Variants in IRAG1 observed in about 807,000 individuals in gnomAD.
IRAG1 encodes IP3R-associated cGMP kinase substrate.
A neutral mutation model predicts 106.2 loss-of-function variants in IRAG1; 62 were observed. The ratio of observed to expected loss-of-function variants is 0.58; its 90% confidence interval spans 0.48 to 0.72. The LOEUF (loss-of-function observed/expected upper bound fraction) is 0.72. Ranked by LOEUF, IRAG1 falls within the 30% of genes least tolerant of loss-of-function variation. IRAG1 has a pLI of 0.00. For missense variants in IRAG1, 1,064 were observed against 1,140.7 expected (o/e 0.93, Z 0.97); for synonymous variants, 462 against 443.9 (o/e 1.04, Z -0.51).
intron 1 of IRAG1, among the ~76,000 whole-genome samples, chr11:10,681,452 G>A (rs969192508): frequency 2.0e-5 from 3 of 152,170 alleles, no homozygotes; most frequent in Non-Finnish European, 4.4e-5. Flanking sequence ...GGACTTGAAT[G>A]GGATTGTAGA....
rs1011036507 is a variant in IRAG1 at position 10,628,439 on chromosome 11, T to C, written c.652+312A>G. Among the ~76,000 whole-genome samples the C allele has an allele frequency of 1.3e-4, 20 of 152,002 alleles. No individual in the cohort carries two copies. The highest frequency in any genetic ancestry group is 4.8e-4 in the African/African-American group (20 of 41,370). Reference sequence around the variant, plus strand: ...CCCAAAGAGGCCTTTCTGTATAAGCTCTTGAGGGCTTCTCTGAGCCTCCCT... The same window carrying C: ...CCCAAAGAGGCCTTTCTGTATAAGCCCTTGAGGGCTTCTCTGAGCCTCCCT... On this transcript the variant is annotated intron_variant, in intron 6 of 20. Coordinates refer to ENST00000423302, the MANE Select transcript of IRAG1 (RefSeq NM_130385.4). This position sits in a 1 kb window ranked among gnomAD's most constrained non-coding sequence, Gnocchi z 4.1.
Position 10,659,778 on chromosome 11 carries a change from G to A in IRAG1, c.68-7596C>T, listed in dbSNP as rs1416596346. On this transcript the variant is annotated intron_variant, in intron 1 of 20. Transcript: ENST00000423302. This position sits in a 1 kb window ranked among gnomAD's most constrained non-coding sequence, Gnocchi z 4.1. ...AAATATGTACAATTGCTCAATCGGA[G>A]GCAGTTCAAAGGCACCGAGAATAGC... is the stretch of plus-strand genomic sequence containing the variant. Among the ~76,000 whole-genome samples, 1 of 151,922 alleles carries A rather than the reference G, an allele frequency of 6.6e-6. No homozygotes were observed. Among genetic ancestry groups the A allele is most frequent in the Non-Finnish European group, 1.5e-5 (1 of 67,968 alleles).
chr11:10,656,796 G>A (rs1249183109), intron 1 of IRAG1, among the ~76,000 whole-genome samples: 2 of 152,080 alleles, frequency 1.3e-5, no homozygotes, highest in Non-Finnish European at 1.5e-5. Context: ...TCCTAGGCCC[G>A]CCATCTTTCC....
At chr11:10,680,536 G>A (rs912562512) in intron 1 of IRAG1, among the ~76,000 whole-genome samples, 10 of 129,036 alleles carry the variant, frequency 7.7e-5, no homozygotes, top group African/African-American at 3.3e-4. Context: ...AGGAAGGAAG[G>A]AAGGGGAAGG....
At position 10,623,868 on chromosome 11, in the gene IRAG1, A is replaced by G; in HGVS notation, c.1369-12T>C. 3 of 1,611,654 alleles carry G rather than the reference A, an allele frequency of 1.9e-6. No homozygotes were observed. Among genetic ancestry groups the G allele is most frequent in the Non-Finnish European group, 2.5e-6 (3 of 1,177,756 alleles). ...ATCAGGATGTGCTCCTTTGTGGTAA[A>G]AGAAAGAGATAACAATTTCAGATGA... is the stretch of plus-strand genomic sequence containing the variant. On this transcript the variant is annotated splice_polypyrimidine_tract_variant and intron_variant, in intron 9 of 20. Transcript: ENST00000423302.
intron 4 of IRAG1, among the ~76,000 whole-genome samples, chr11:10,631,438 G>A (rs1430309635): frequency 6.6e-6 from 1 of 152,206 alleles, no homozygotes; most frequent in Non-Finnish European, 1.5e-5. Flanking sequence ...TCCTCAGAGA[G>A]ACTCGGTCCC....
chr11:10,629,132 C>T (rs983524937), intron 5 of IRAG1, among the ~76,000 whole-genome samples: 1 of 152,162 alleles, frequency 6.6e-6, no homozygotes, highest in Admixed American at 6.5e-5. Flanking sequence ...GCAGGTACAG[C>T]TCCAGAGGCT....
At chr11:10,623,994 G>A (rs1856035988) in intron 9 of IRAG1, 138 bp from the exon 10 acceptor site, 1 of 713,776 alleles carries the variant, frequency 1.4e-6, no homozygotes, top group Admixed American at 2.1e-5. Flanking sequence ...GGGCAGGCAT[G>A]GCATGGTGAG....
chr11:10,693,429 A>C (rs1351693685), intron 1 of IRAG1, 107 bp downstream of exon 1: 2 of 1,472,776 alleles, frequency 1.4e-6, no homozygotes, highest in Non-Finnish European at 8.9e-7. Flanking sequence ...CTGGAAAGTT[A>C]AAGTTTAGCA....
In IRAG1 at chr11:10,652,200, G is replaced by A. The variant is rs1205375038; in HGVS notation, c.68-18C>T. 1.2e-6 allele frequency: 2 copies of A among 1,613,432 alleles called. No homozygotes were observed. The highest frequency in any genetic ancestry group is 1.3e-5 in the African/African-American group (1 of 74,934). On this transcript the variant is annotated intron_variant, in intron 1 of 20. Transcript: ENST00000423302. Reference sequence around the variant, plus strand: ...TCCACAGGCTGGGGAGATGCCAAAAGGACAAGTCAAATCCATTCCCATCCC... The same window carrying A: ...TCCACAGGCTGGGGAGATGCCAAAAAGACAAGTCAAATCCATTCCCATCCC...
intron 1 of IRAG1, among the ~76,000 whole-genome samples, chr11:10,670,492 C>A (rs143990670): frequency 6.0e-4 from 92 of 152,202 alleles, no homozygotes; most frequent in African/African-American, 2.1e-3. Flanking sequence ...TTGGTGGTCA[C>A]GGTGAATTGG....
chr11:10,646,189 C>T (rs547545441), intron 2 of IRAG1, among the ~76,000 whole-genome samples: 14 of 152,340 alleles, frequency 9.2e-5, no homozygotes, highest in African/African-American at 3.4e-4. Flanking sequence ...TGAGCCCAGC[C>T]CACTGACTGA....
chr11:10,638,493 C>T (rs562456653), intron 2 of IRAG1, among the ~76,000 whole-genome samples: 11 of 142,880 alleles, frequency 7.7e-5, no homozygotes, highest in South Asian at 2.3e-4. Flanking sequence ...ACCATGGGAA[C>T]GCCAATGGAA....
intron 15 of IRAG1, among the ~76,000 whole-genome samples, chr11:10,598,500 C>G (rs1051036643): frequency 1.3e-5 from 2 of 152,066 alleles, no homozygotes; most frequent in Non-Finnish European, 2.9e-5. Context: ...GTCATAAATA[C>G]AGAATTTTTA....
At chr11:10,678,610 C>T (rs78787463) in intron 1 of IRAG1, among the ~76,000 whole-genome samples, 1,615 of 152,282 alleles carry the variant, frequency 0.011, 28 homozygotes, top group African/African-American at 0.036. Flanking sequence ...GCCACCACAG[C>T]GGCCCTCTCT....
At chr11:10,646,458 T>G (rs1857950806) in intron 2 of IRAG1, among the ~76,000 whole-genome samples, 1 of 152,086 alleles carries the variant, frequency 6.6e-6, no homozygotes, top group South Asian at 2.1e-4. Flanking sequence ...CAACCCCAGA[T>G]TTGTTATGGT....
At chr11:10,691,838 C>G (rs1862080677) in intron 1 of IRAG1, among the ~76,000 whole-genome samples, 1 of 152,098 alleles carries the variant, frequency 6.6e-6, no homozygotes, top group Non-Finnish European at 1.5e-5. Context: ...AGGTCAAGAG[C>G]AGAGCCTCCA....
intron 1 of IRAG1, chr11:10,690,410 T>A (rs1294897606): frequency 1.6e-6 from 2 of 1,285,612 alleles, no homozygotes; most frequent in African/African-American, 1.5e-5. Context: ...CCAACTGTCC[T>A]CTGCTTTCCA....
At chr11:10,586,823 A>G (rs867898947) in intron 18 of IRAG1, among the ~76,000 whole-genome samples, 1 of 152,152 alleles carries the variant, frequency 6.6e-6, no homozygotes, top group African/African-American at 2.4e-5. Flanking sequence ...TCACAGGAAG[A>G]AGGACTGTGT....
Sources: gnomAD v4.1 joint callset for allele counts (sites outside exome capture counted in the v4.1 genomes callset) on GRCh38, gnomAD v4.1.1 for gene constraint, Gnocchi (gnomAD v3.1) non-coding constraint, MANE v1.5 for transcripts, NCBI Gene and HGNC (gene_info 2026-07-23, HGNC 2026-07-21) for gene names.